Variants in NDUFB7 observed in about 807,000 individuals in gnomAD.
NDUFB7 encodes NADH dehydrogenase [ubiquinone] 1 beta subcomplex subunit 7.
NDUFB7 carries 18 observed loss-of-function variants against 14.7 expected under a neutral mutation model. The observed-to-expected ratio is 1.22, with a 90% confidence interval of 0.85 to 1.81. The LOEUF (loss-of-function observed/expected upper bound fraction) is 1.81, where lower values mean the gene tolerates loss of function less well. NDUFB7 is among the 40% of genes most tolerant of loss of function. The pLI is 0.00. For synonymous variants in NDUFB7, 86 were observed against 76.1 expected, an observed-to-expected ratio of 1.13 and a Z score of -0.68; for missense variants, 219 against 195.0, an observed-to-expected ratio of 1.12 and a Z score of -0.73.
In NDUFB7 at chr19:14,566,663, G is replaced by A. The variant is rs1366785915; in HGVS notation, c.281+102C>T. On this transcript the variant is annotated intron_variant, in intron 2 of 2. Transcript: ENST00000215565. Reference sequence around the variant, plus strand: ...GCGGGGGTGGGAGGGGGGCTTGGGCGGGCTGGGCATGTGGGGGGCTTGGGT... The same window carrying A: ...GCGGGGGTGGGAGGGGGGCTTGGGCAGGCTGGGCATGTGGGGGGCTTGGGT... 20 of 1,071,266 alleles carry A rather than the reference G, an allele frequency of 1.9e-5. No homozygotes were observed. The African/African-American group carries it at 2.0e-4, about 11-fold the overall frequency. The allele number at this position is 1,071,266 out of a possible 1,614,324, so 66.4% of individuals were successfully genotyped here. A position where few individuals can be genotyped will look rare whatever the true frequency, so the allele number is the denominator to read the frequency against.
chr19:14,566,852 C>T lies in NDUFB7; in HGVS notation c.194G>A (p.Arg65Gln), dbSNP rs748997502. The T allele has an allele frequency of 1.3e-5, 20 of 1,567,140 alleles. No individual in the cohort carries two copies. The South Asian group carries it at 1.4e-4, about 11-fold the overall frequency. ...LRDYCAHHLI[R>Q]LLKCKRDSFP... ...GCTGTCACGCTTGCACTTGAGCAGC[C>T]GGATGAGGTGGTGGGCGCAGTAGTC... Residue 65 changes from arginine to glutamine, a missense_variant, in exon 2 of 3, where the codon CGG (arginine) becomes CAG (glutamine). Coordinates refer to ENST00000215565, the MANE Select transcript of NDUFB7 (RefSeq NM_004146.6).
chr19:14,571,289 C>T (rs1380817504), intron 1 of NDUFB7, among the ~76,000 whole-genome samples: 1 of 152,188 alleles, frequency 6.6e-6, no homozygotes, highest in Non-Finnish European at 1.5e-5. Context: ...CCATGACTCC[C>T]CACGTCCCCC....
At chr19:14,566,358 TG>T in intron 2 of NDUFB7, 93 bp from the exon 3 acceptor site, 2 of 1,577,424 alleles carry the variant, frequency 1.3e-6, no homozygotes, top group South Asian at 1.1e-5. Context: ...CAGAGCACTG[TG>T]GGGGAGGCCT....
chr19:14,566,356 T>G (rs1647042683), intron 2 of NDUFB7, 91 bp from the exon 3 acceptor site: 2 of 1,580,390 alleles, frequency 1.3e-6, no homozygotes, highest in African/African-American at 2.7e-5. Flanking sequence ...CCCAGAGCAC[T>G]GTGGGGGAGG....
At chr19:14,568,128 C>T (rs4926228) in intron 1 of NDUFB7, among the ~76,000 whole-genome samples, 91,297 of 151,988 alleles carry the variant, frequency 0.6, 28,244 homozygotes, top group African/African-American at 0.76. Context: ...CACTGCAACC[C>T]CTGTCTCCCA....
Position 14,566,491 on chromosome 19 carries a change from G to A in NDUFB7, c.282-226C>T, listed in dbSNP as rs116830818. ...CTAGGTGGCTTCAGCCACCTGCCCT[G>A]TCCCCATCAAACAGGCCCCTAGAGA... On this transcript the variant is annotated intron_variant, in intron 2 of 2. Coordinates refer to ENST00000215565, the MANE Select transcript of NDUFB7 (RefSeq NM_004146.6). 9.9e-4 allele frequency among the ~76,000 whole-genome samples: 151 copies of A among 151,910 alleles called. 1 individual carries two copies. In the Middle Eastern group the frequency reaches 0.01, roughly 10 times the overall value.
intron 2 of NDUFB7, 144 bp downstream of exon 2, chr19:14,566,621 G>A (rs905539573): frequency 3.1e-5 from 23 of 743,932 alleles, no homozygotes; most frequent in Non-Finnish European, 4.7e-5. Context: ...TGGGTGGGGT[G>A]CAGGCTGTGG....
At position 14,566,908 on chromosome 19, in the gene NDUFB7, C is replaced by A. The variant is rs1290402493; in HGVS notation, c.138G>T (p.Met46Ile). The change falls in exon 2 of 3, where the codon ATG becomes ATT. Residue 46 changes from methionine (M) to isoleucine (I), a missense_variant. Physicochemically the swap from Met to Ile is conservative, Grantham distance 10. Coordinates refer to ENST00000215565, the MANE Select transcript of NDUFB7 (RefSeq NM_004146.6). ...EREMVATQQE[M>I]MDAQLRLQLR... ...GCTGGAGCCTCAGCTGCGCGTCCAT[C>A]ATCTCCTGCTGTGTGGCCACCATCT... 3 of 1,585,538 alleles carry A rather than the reference C, an allele frequency of 1.9e-6. No individual in the cohort carries two copies. The highest frequency in any genetic ancestry group is 1.1e-5 in the South Asian group (1 of 87,756).
intron 1 of NDUFB7, among the ~76,000 whole-genome samples, chr19:14,571,319 G>A (rs2074123809): frequency 6.6e-6 from 1 of 152,182 alleles, no homozygotes; most frequent in Non-Finnish European, 1.5e-5. Context: ...CCCGAGGCCG[G>A]GCGTGGTGAC....
Position 14,571,905 on chromosome 19 carries a change from G to T in NDUFB7, c.96C>A (p.Pro32=). The T allele has an allele frequency of 6.2e-7, 1 of 1,610,712 alleles. No individual in the cohort carries two copies. The highest frequency in any genetic ancestry group is 8.5e-7 in the Non-Finnish European group (1 of 1,179,084). The change falls in exon 1 of 3, where the codon CCC becomes CCA. Residue 32 remains proline, a synonymous_variant. Transcript: ENST00000215565. The part of the protein sequence containing the change: ...MPTFPPDYGF[P]ERKEREMVAT... ...GGGCCTCACCGCGCTCCTTGCGTTCGGGGAAGCCGTAGTCTGGCGGGAAGG... is the reference window on the plus strand; with the variant it reads ...GGGCCTCACCGCGCTCCTTGCGTTCTGGGAAGCCGTAGTCTGGCGGGAAGG...
At chr19:14,571,842 C>CA (rs2074126836) in intron 1 of NDUFB7, 47 bp downstream of exon 1, 2 of 1,555,062 alleles carry the variant, frequency 1.3e-6, no homozygotes, top group African/African-American at 1.4e-5. Context: ...GGTGTTCAGG[C>CA]ACCCGCGCCC....
At chr19:14,566,980 C>T in intron 1 of NDUFB7, 47 bp from the exon 2 acceptor site, 2 of 1,520,782 alleles carry the variant, frequency 1.3e-6, no homozygotes, top group South Asian at 1.2e-5. Context: ...CTCCCCACCC[C>T]AATTCCGGGG....
chr19:14,566,086 C>A lies in NDUFB7; in HGVS notation c.*47G>T, dbSNP rs188578569. The stretch of plus-strand genomic sequence containing the variant: ...GTAAGAGGGGACTCTGGTTGAGGGG[C>A]CTGAAGGCTTTTATTTGACTGGTCC... On this transcript the variant is annotated 3_prime_UTR_variant, in exon 3 of 3. Coordinates refer to ENST00000215565, the MANE Select transcript of NDUFB7 (RefSeq NM_004146.6). 3.6e-5 allele frequency: 57 copies of A among 1,577,168 alleles called. No individual in the cohort carries two copies. In the Middle Eastern group the frequency reaches 1.5e-3, roughly 42 times the overall value.
At chr19:14,566,630 G>C (rs2074088594) in intron 2 of NDUFB7, 135 bp downstream of exon 2, 6 of 798,472 alleles carry the variant, frequency 7.5e-6, no homozygotes, top group Non-Finnish European at 1.2e-5. Flanking sequence ...TGCAGGCTGT[G>C]GGTGTTGGCG....
At chr19:14,570,766 C>T (rs977743054) in intron 1 of NDUFB7, among the ~76,000 whole-genome samples, 2 of 152,220 alleles carry the variant, frequency 1.3e-5, no homozygotes, top group African/African-American at 4.8e-5. Flanking sequence ...CCCTCCAGTT[C>T]CCTGCTGTAT....
Position 14,567,400 on chromosome 19 carries a change from G to C in NDUFB7, c.113-467C>G, listed in dbSNP as rs571879870. ...AAGGCCCAGCTCTGCACTGGCCGGCGGCGTGGCCTCTCTCTCAGCCTCAGA... is the reference window on the plus strand; with the variant it reads ...AAGGCCCAGCTCTGCACTGGCCGGCCGCGTGGCCTCTCTCTCAGCCTCAGA... On this transcript the variant is annotated intron_variant, in intron 1 of 2. Transcript: ENST00000215565. The surrounding 1 kb of genome is among the most constrained non-coding windows in gnomAD (Gnocchi z 5.1). Among the ~76,000 whole-genome samples, 1 of 102,102 alleles carries C rather than the reference G, an allele frequency of 9.8e-6. No homozygotes were observed. The highest frequency in any genetic ancestry group is 2.1e-5 in the Non-Finnish European group (1 of 46,792). The allele number at this position is 102,102 out of a possible 152,430, so 67.0% of individuals were successfully genotyped here. A position where few individuals can be genotyped will look rare whatever the true frequency, so the allele number is the denominator to read the frequency against.
In NDUFB7 at chr19:14,571,874, C is replaced by A. The variant is rs371317676; in HGVS notation, c.112+15G>T. 1.4e-5 allele frequency: 22 copies of A among 1,599,282 alleles called. No individual in the cohort carries two copies. The highest frequency in any genetic ancestry group is 5.4e-5 in the African/African-American group (4 of 74,716). On this transcript the variant is annotated intron_variant, in intron 1 of 2. Transcript: ENST00000215565. ...GCCCCACGCCCTCTGGCTGCGCCTG[C>A]GCACTGGGCCTCACCGCGCTCCTTG...
At position 14,571,900 on chromosome 19, in the gene NDUFB7, C is replaced by T. The variant is rs1284343720; in HGVS notation, c.101G>A (p.Arg34His). ...TFPPDYGFPE[R>H]KEREMVATQQ... ...GCACTGGGCCTCACCGCGCTCCTTG[C>T]GTTCGGGGAAGCCGTAGTCTGGCGG... Residue 34 changes from arginine to histidine, a missense_variant, in exon 1 of 3, where the codon CGC (arginine) becomes CAC (histidine). Arg to His is a conservative substitution (Grantham distance 29). Coordinates refer to ENST00000215565, the MANE Select transcript of NDUFB7 (RefSeq NM_004146.6). The T allele has an allele frequency of 6.2e-7, 1 of 1,609,746 alleles. No individual in the cohort carries two copies.
chr19:14,571,415 G>A (rs1193444441), intron 1 of NDUFB7, among the ~76,000 whole-genome samples: 1 of 151,990 alleles, frequency 6.6e-6, no homozygotes, highest in Non-Finnish European at 1.5e-5. Context: ...GGCCAACAAG[G>A]AGAAACCCCG....
Sources: gnomAD v4.1 joint callset for allele counts (sites outside exome capture counted in the v4.1 genomes callset) on GRCh38, gnomAD v4.1.1 for gene constraint, Gnocchi (gnomAD v3.1) non-coding constraint, MANE v1.5 for transcripts, NCBI Gene and HGNC (gene_info 2026-07-23, HGNC 2026-07-21) for gene names.